The following ZMAT4 variants were observed in gnomAD, a reference collection of about 807,000 sequenced individuals.
The protein encoded by ZMAT4 is zinc finger matrin-type protein 4.
ZMAT4 carries 17 observed loss-of-function variants against 28.7 expected under a neutral mutation model. The ratio of observed to expected loss-of-function variants is 0.59; its 90% CI spans 0.41 to 0.89. ZMAT4 has a LOEUF of 0.89. Ranked by LOEUF, ZMAT4 falls within the 40% of genes least tolerant of loss-of-function variation. ZMAT4 has a pLI of 0.00. For missense variants in ZMAT4, 240 were observed against 283.8 expected (o/e 0.85, Z 1.11); for synonymous variants, 117 against 109.2 (o/e 1.07, Z -0.44).
chr8:40,605,958 T>A (rs1329599102), intron 5 of ZMAT4, among the ~76,000 whole-genome samples: 1 of 152,246 alleles, frequency 6.6e-6, no homozygotes, highest in East Asian at 1.9e-4. Context: ...TGTTTTTGCT[T>A]TAAAGTCTGT....
intron 4 of ZMAT4, among the ~76,000 whole-genome samples, chr8:40,677,754 A>G (rs754159042): frequency 2.6e-5 from 4 of 152,204 alleles, no homozygotes; most frequent in South Asian, 2.1e-4. Flanking sequence ...GGCAAAGATT[A>G]TCTTTTGGTT....
intron 2 of ZMAT4, among the ~76,000 whole-genome samples, chr8:40,787,008 A>C (rs570480201): frequency 6.6e-6 from 1 of 152,340 alleles, no homozygotes; most frequent in South Asian, 2.1e-4. Context: ...AGAGTGGTAC[A>C]TAAATTAATT....
chr8:40,837,764 C>T (rs538864545), intron 1 of ZMAT4, among the ~76,000 whole-genome samples: 1 of 152,294 alleles, frequency 6.6e-6, no homozygotes, highest in East Asian at 1.9e-4. Flanking sequence ...AATCAAGCAA[C>T]TCGTGGGAAA....
chr8:40,678,062 C>T (rs900521730), intron 4 of ZMAT4, among the ~76,000 whole-genome samples: 3 of 152,112 alleles, frequency 2.0e-5, no homozygotes, highest in Non-Finnish European at 4.4e-5. Context: ...CAGCCTGATT[C>T]GTGTTTCCAA....
intron 6 of ZMAT4, among the ~76,000 whole-genome samples, chr8:40,578,305 T>C (rs1804335229): frequency 6.6e-6 from 1 of 152,076 alleles, no homozygotes; most frequent in Non-Finnish European, 1.5e-5. Flanking sequence ...GGTATCTGTA[T>C]GGAAAAAAAT....
chr8:40,675,385 A>C (rs192130065), intron 4 of ZMAT4, among the ~76,000 whole-genome samples: 1 of 151,836 alleles, frequency 6.6e-6, no homozygotes, highest in East Asian at 1.9e-4. Flanking sequence ...AGTAAAATAC[A>C]GGGGACAAGC....
intron 2 of ZMAT4, among the ~76,000 whole-genome samples, chr8:40,784,270 G>GA (rs1813969850): frequency 6.6e-6 from 1 of 151,980 alleles, no homozygotes; most frequent in African/African-American, 2.4e-5. Flanking sequence ...AGCACAACAT[G>GA]AAAAAATCAA....
At chr8:40,722,229 G>C (rs1376260614) in intron 3 of ZMAT4, among the ~76,000 whole-genome samples, 1 of 152,112 alleles carries the variant, frequency 6.6e-6, no homozygotes, top group Non-Finnish European at 1.5e-5. Flanking sequence ...CCATCAGAGT[G>C]AACAGGCAAC....
chr8:40,778,011 C>A (rs756042588), intron 2 of ZMAT4, among the ~76,000 whole-genome samples: 1 of 152,188 alleles, frequency 6.6e-6, no homozygotes, highest in Non-Finnish European at 1.5e-5. Flanking sequence ...ATATTCTGCA[C>A]AGGGCTGTTG....
intron 6 of ZMAT4, among the ~76,000 whole-genome samples, chr8:40,570,380 C>T (rs1161323479): frequency 2.0e-5 from 3 of 152,136 alleles, no homozygotes; most frequent in African/African-American, 7.2e-5. Flanking sequence ...CTGTATTCAA[C>T]TGCAGCTTAA....
At chr8:40,881,536 A>AACG (rs144607359) in intron 1 of ZMAT4, among the ~76,000 whole-genome samples, 19,398 of 43,526 alleles carry the variant, frequency 0.45, 2,716 homozygotes, top group African/African-American at 0.48. Flanking sequence ...GACAGAAAGA[A>AACG]AGAAAGAAAG....
chr8:40,810,909 T>C (rs980379612), intron 2 of ZMAT4, among the ~76,000 whole-genome samples: 1 of 152,166 alleles, frequency 6.6e-6, no homozygotes, highest in Admixed American at 6.5e-5. Context: ...ATTTAAAAAG[T>C]ATGTTTAAAA....
At chr8:40,651,046 TA>T (rs1225623684) in intron 5 of ZMAT4, among the ~76,000 whole-genome samples, 5 of 151,742 alleles carry the variant, frequency 3.3e-5, no homozygotes, top group African/African-American at 1.2e-4. Flanking sequence ...TCACCACTCC[TA>T]TTCAACATAG....
chr8:40,762,610 C>T (rs141584748), intron 3 of ZMAT4, among the ~76,000 whole-genome samples: 22 of 152,170 alleles, frequency 1.4e-4, no homozygotes, highest in African/African-American at 4.1e-4. Flanking sequence ...GAGCTATAAT[C>T]ATGCCACTGC....
At position 40,602,062 on chromosome 8, in the gene ZMAT4, T is replaced by C. The variant is rs548518923; in HGVS notation, c.578-20801A>G. 2.8e-4 allele frequency among the ~76,000 whole-genome samples: 43 copies of C among 152,306 alleles called. No homozygotes were observed. The South Asian group carries it at 8.9e-3, about 32-fold the overall frequency. On this transcript the variant is annotated intron_variant, in intron 5 of 6. Coordinates refer to ENST00000297737, the MANE Select transcript of ZMAT4 (RefSeq NM_024645.3). ...TCCAAAGTACATTGTATCATTCTTA[T>C]GCCTTTGTGTCCTCATAGCCTAGCT...
At chr8:40,887,987 C>A (rs995665448) in intron 1 of ZMAT4, among the ~76,000 whole-genome samples, 5 of 152,266 alleles carry the variant, frequency 3.3e-5, no homozygotes, top group African/African-American at 1.2e-4. Flanking sequence ...TCCCATGAGG[C>A]CCTCATCCTT....
At chr8:40,837,583 G>A (rs2150623499) in intron 1 of ZMAT4, among the ~76,000 whole-genome samples, 1 of 152,260 alleles carries the variant, frequency 6.6e-6, no homozygotes. Flanking sequence ...ATTGGAAAAA[G>A]CCAGAGATAT....
chr8:40,729,084 C>T (rs12679727), intron 3 of ZMAT4, among the ~76,000 whole-genome samples: 41,561 of 152,038 alleles, frequency 0.27, 6,542 homozygotes, highest in East Asian at 0.55. Context: ...TTTGTTCAAC[C>T]GTTTTACATT....
At chr8:40,668,337 GCA>G (rs1462495246) in intron 5 of ZMAT4, among the ~76,000 whole-genome samples, 1 of 151,808 alleles carries the variant, frequency 6.6e-6, no homozygotes, top group Non-Finnish European at 1.5e-5. Flanking sequence ...AGGCTTGGTG[GCA>G]CGCACCTGTA....
Sources: gnomAD v4.1 joint callset for allele counts (sites outside exome capture counted in the v4.1 genomes callset) on GRCh38, gnomAD v4.1.1 for gene constraint, MANE v1.5 for transcripts, NCBI Gene and HGNC (gene_info 2026-07-23, HGNC 2026-07-21) for gene names.